FOXP1: variants seen among roughly 807,000 people sequenced by gnomAD.
FOXP1 encodes the protein forkhead box P1, also known as forkhead box protein P1.
FOXP1 carries 15 observed loss-of-function variants against 98.2 expected under a neutral mutation model. That is an observed-to-expected ratio of 0.15 (90% confidence interval 0.10 to 0.24). FOXP1 has a LOEUF of 0.24. Among genes scored for constraint, FOXP1 ranks in the 10% least tolerant of loss-of-function variants. FOXP1 has a pLI of 1.00. For synonymous variants in FOXP1, 371 were observed against 314.5 expected (o/e 1.18, Z -1.90); for missense variants, 633 against 848.5 (o/e 0.75, Z 3.15).
intron 7 of FOXP1, among the ~76,000 whole-genome samples, chr3:71,062,608 T>C (rs945630501): frequency 6.6e-6 from 1 of 152,226 alleles, no homozygotes; most frequent in African/African-American, 2.4e-5. Context: ...CTTACAAGTT[T>C]CCTTTAATAA....
chr3:71,381,441 T>TC (rs2080171033), intron 3 of FOXP1, among the ~76,000 whole-genome samples: 1 of 140,626 alleles, frequency 7.1e-6, no homozygotes, highest in African/African-American at 2.6e-5. Flanking sequence ...CCTGGCCTTT[T>TC]TTTTTTTTTT....
At chr3:71,430,658 T>C (rs1435536746) in intron 3 of FOXP1, among the ~76,000 whole-genome samples, 1 of 152,068 alleles carries the variant, frequency 6.6e-6, no homozygotes, top group Non-Finnish European at 1.5e-5. Context: ...AATCTCAGGG[T>C]CTTCTATACT....
intron 3 of FOXP1, among the ~76,000 whole-genome samples, chr3:71,390,919 C>T (rs913208484): frequency 6.6e-6 from 1 of 152,200 alleles, no homozygotes; most frequent in African/African-American, 2.4e-5. Flanking sequence ...GTTGCAAATC[C>T]AGAATTAAAC....
chr3:71,302,821 A>G (rs2073961086), intron 4 of FOXP1: 1 of 152,182 alleles, frequency 6.6e-6, no homozygotes, highest in Admixed American at 6.5e-5. Context: ...GACCACAAAA[A>G]CCATGTCCAG....
At chr3:71,391,478 T>C (rs2081025865) in intron 3 of FOXP1, among the ~76,000 whole-genome samples, 1 of 152,240 alleles carries the variant, frequency 6.6e-6, no homozygotes, top group South Asian at 2.1e-4. Flanking sequence ...TCTTTCATCA[T>C]TCCCTACCTT....
At chr3:71,116,458 A>G (rs1486669858) in intron 6 of FOXP1, among the ~76,000 whole-genome samples, 2 of 152,240 alleles carry the variant, frequency 1.3e-5, no homozygotes, top group Non-Finnish European at 2.9e-5. Context: ...TTCAGCCCCC[A>G]AATGAATAAA....
At position 71,495,303 on chromosome 3, in the gene FOXP1, A is replaced by G. The variant is rs543299590; in HGVS notation, c.-297-1748T>C. Among the ~76,000 whole-genome samples, 3 of 152,368 alleles carry G rather than the reference A, an allele frequency of 2.0e-5. No homozygotes were observed. The East Asian group carries it at 5.8e-4, about 29-fold the overall frequency. ...ACCTACTTAAGTTAGGTTCCAAGTT[A>G]GTCTCAATTATATCATCCTATGTGC... On this transcript the variant is annotated intron_variant, in intron 2 of 20. Coordinates refer to ENST00000649528, the MANE Select transcript of FOXP1 (RefSeq NM_001349338.3).
intron 5 of FOXP1, among the ~76,000 whole-genome samples, chr3:71,271,577 A>G (rs1437099673): frequency 6.6e-6 from 1 of 152,230 alleles, no homozygotes; most frequent in Non-Finnish European, 1.5e-5. Context: ...GTTTATTAAC[A>G]CATCAAGAGA....
Position 71,419,707 on chromosome 3 carries a change from G to C in FOXP1, c.-167-60463C>G, listed in dbSNP as rs996576924. Among the ~76,000 whole-genome samples, 6 of 152,170 alleles carry C rather than the reference G, an allele frequency of 3.9e-5. No individual in the cohort carries two copies. In the South Asian group the frequency reaches 1.2e-3, roughly 31 times the overall value. On this transcript the variant is annotated intron_variant, in intron 3 of 20. Coordinates refer to ENST00000649528, the MANE Select transcript of FOXP1 (RefSeq NM_001349338.3). ...AAGTGTGCTGCAAGTACCCCGGGTGGTAAGTGGGATGGTTTTAGGTGGCAA... is the reference window on the plus strand; with the variant it reads ...AAGTGTGCTGCAAGTACCCCGGGTGCTAAGTGGGATGGTTTTAGGTGGCAA...
At chr3:71,166,348 A>G (rs9845218) in intron 6 of FOXP1, among the ~76,000 whole-genome samples, 58,399 of 152,030 alleles carry the variant, frequency 0.38, 12,419 homozygotes, top group East Asian at 0.7. Context: ...GACACCTGGA[A>G]ACCTGTTACG....
chr3:71,275,106 T>G (rs1400024879), intron 5 of FOXP1, among the ~76,000 whole-genome samples: 1 of 152,226 alleles, frequency 6.6e-6, no homozygotes, highest in Non-Finnish European at 1.5e-5. Flanking sequence ...TACAATCACA[T>G]AAGTATTTTG....
chr3:71,484,592 T>C (rs1461731172), intron 3 of FOXP1, among the ~76,000 whole-genome samples: 1 of 152,188 alleles, frequency 6.6e-6, no homozygotes, highest in South Asian at 2.1e-4. Context: ...ATAGTGTGGA[T>C]GACACCACTG....
chr3:71,148,626 T>A (rs2060432440), intron 6 of FOXP1, among the ~76,000 whole-genome samples: 1 of 152,232 alleles, frequency 6.6e-6, no homozygotes, highest in Non-Finnish European at 1.5e-5. Context: ...CTTTGACATA[T>A]ACTTATTGCT....
At chr3:71,044,351 T>G (rs1193283284) in intron 10 of FOXP1, among the ~76,000 whole-genome samples, 2 of 152,182 alleles carry the variant, frequency 1.3e-5, no homozygotes, top group East Asian at 3.8e-4. Context: ...AAGGTCAGAA[T>G]AAGACTGAAA....
intron 3 of FOXP1, among the ~76,000 whole-genome samples, chr3:71,431,323 T>C (rs1164497664): frequency 2.0e-5 from 3 of 152,140 alleles, no homozygotes; most frequent in Non-Finnish European, 4.4e-5. Context: ...TAAGTGGCAA[T>C]GTGTGAGAAG....
chr3:71,360,141 A>ACAT (rs2107904522), intron 3 of FOXP1, among the ~76,000 whole-genome samples: 1 of 152,332 alleles, frequency 6.6e-6, no homozygotes, highest in East Asian at 1.9e-4. Context: ...CAGTGCTAAT[A>ACAT]CATCCTGAGA....
chr3:71,015,860 A>T (rs1202607676), intron 11 of FOXP1, among the ~76,000 whole-genome samples: 1 of 152,244 alleles, frequency 6.6e-6, no homozygotes, highest in East Asian at 1.9e-4. Flanking sequence ...GTATTTAGTC[A>T]AATGTTAGAA....
intron 5 of FOXP1, among the ~76,000 whole-genome samples, chr3:71,241,575 A>G (rs2067286716): frequency 6.6e-6 from 1 of 152,246 alleles, no homozygotes; most frequent in Non-Finnish European, 1.5e-5. Context: ...AACTCTTCAC[A>G]TCAAACAGTC....
chr3:70,976,873 A>G, intron 17 of FOXP1, 68 bp downstream of exon 17: 3 of 1,171,528 alleles, frequency 2.6e-6, no homozygotes, highest in Middle Eastern at 1.9e-4. Flanking sequence ...GCACAACTGC[A>G]TTTTATCAAC....
Sources: allele counts gnomAD v4.1 joint callset (sites outside exome capture counted in the v4.1 genomes callset), GRCh38; gene constraint gnomAD v4.1.1; transcripts MANE v1.5; gene names NCBI Gene and HGNC (gene_info 2026-07-23, HGNC 2026-07-21).